The following CASQ2 variants were observed in gnomAD, a reference collection of about 807,000 sequenced individuals.
The protein encoded by CASQ2 is calsequestrin 2.
CASQ2 carries 49 observed loss-of-function variants against 46.5 expected under a neutral mutation model. The ratio of observed to expected loss-of-function variants is 1.05; its 90% CI spans 0.84 to 1.34. The LOEUF is 1.34. Ranked by LOEUF, CASQ2 falls within the 40% of genes most tolerant of loss-of-function variation. The pLI, the probability that CASQ2 is intolerant of heterozygous loss-of-function variation, is 0.00. For missense variants in CASQ2, 486 were observed against 481.3 expected, an observed-to-expected ratio of 1.01 and a Z score of -0.09; for synonymous variants, 174 against 168.5, an observed-to-expected ratio of 1.03 and a Z score of -0.25.
intron 5 of CASQ2, 22 bp downstream of exon 5, chr1:115,732,879 T>C (rs144118950): frequency 6.4e-6 from 10 of 1,563,948 alleles, no homozygotes; most frequent in East Asian, 2.2e-5. Context: ...ACTGTTCAAA[T>C]TGGGGTTTCA....
intron 8 of CASQ2, among the ~76,000 whole-genome samples, chr1:115,712,273 G>A (rs1654573058): frequency 2.0e-5 from 3 of 152,128 alleles, no homozygotes; most frequent in South Asian, 2.1e-4. Flanking sequence ...GCTATGAGAC[G>A]GCACTTGAGA....
intron 1 of CASQ2, among the ~76,000 whole-genome samples, chr1:115,759,948 C>T (rs958564684): frequency 6.6e-6 from 1 of 152,204 alleles, no homozygotes; most frequent in African/African-American, 2.4e-5. Context: ...TCTTTAAAAG[C>T]CAGGCAATTC....
At chr1:115,747,422 T>G (rs1648425220) in intron 1 of CASQ2, among the ~76,000 whole-genome samples, 1 of 152,216 alleles carries the variant, frequency 6.6e-6, no homozygotes, top group South Asian at 2.1e-4. Context: ...TCTTTTCACT[T>G]TATTCTTTAT....
chr1:115,737,963 G>C (rs377225841), intron 4 of CASQ2, among the ~76,000 whole-genome samples: 143 of 152,340 alleles, frequency 9.4e-4, no homozygotes, highest in African/African-American at 3.4e-3. Context: ...GTGGAGAAGA[G>C]CTTTTCTCTT....
rs529707168 is a variant in CASQ2 at position 115,751,862 on chromosome 1, A to G, written c.235-6950T>C. Among the ~76,000 whole-genome samples the G allele has an allele frequency of 2.0e-5, 3 of 152,012 alleles. No individual in the cohort carries two copies. The South Asian group carries it at 6.3e-4, about 32-fold the overall frequency. ...CCTAACATGGCCAAGAATGTCCTGC[A>G]CTCTTTGTCCCACCTGTCTTTCCAG... On this transcript the variant is annotated intron_variant, in intron 1 of 10. Coordinates refer to ENST00000261448, the MANE Select transcript of CASQ2 (RefSeq NM_001232.4).
At chr1:115,705,932 T>G (rs1654345627) in intron 8 of CASQ2, among the ~76,000 whole-genome samples, 1 of 151,806 alleles carries the variant, frequency 6.6e-6, no homozygotes, top group African/African-American at 2.4e-5. Flanking sequence ...CTTTATAAGC[T>G]TCAAGAACAC....
At chr1:115,720,380 C>G (rs959710465) in intron 7 of CASQ2, among the ~76,000 whole-genome samples, 1 of 152,126 alleles carries the variant, frequency 6.6e-6, no homozygotes, top group African/African-American at 2.4e-5. Context: ...CATGAGAGTT[C>G]AGCCCTCAAG....
intron 8 of CASQ2, among the ~76,000 whole-genome samples, chr1:115,709,617 G>A (rs753499623): frequency 8.5e-5 from 13 of 152,078 alleles, no homozygotes; most frequent in African/African-American, 2.9e-4. Flanking sequence ...AGAGACCCCC[G>A]CAACCCAGAC....
At chr1:115,710,670 G>T (rs1251317935) in intron 8 of CASQ2, among the ~76,000 whole-genome samples, 2 of 152,132 alleles carry the variant, frequency 1.3e-5, no homozygotes, top group Admixed American at 1.3e-4. Context: ...CCTCCCAGCA[G>T]CTGTAGTATG....
intron 3 of CASQ2, among the ~76,000 whole-genome samples, chr1:115,739,896 G>C (rs953933711): frequency 6.6e-6 from 1 of 152,212 alleles, no homozygotes; most frequent in Non-Finnish European, 1.5e-5. Context: ...TGCTGTCCCA[G>C]AGTTGTTCTG....
intron 1 of CASQ2, among the ~76,000 whole-genome samples, chr1:115,755,154 T>C (rs181025415): frequency 6.6e-6 from 1 of 152,354 alleles, no homozygotes; most frequent in East Asian, 1.9e-4. Context: ...AGGGAAGCTG[T>C]CCCTGAAGGC....
At position 115,700,976 on chromosome 1, in the gene CASQ2, C is replaced by G. The variant is rs936149495; in HGVS notation, c.*265G>C. On this transcript the variant is annotated 3_prime_UTR_variant, in exon 11 of 11. Transcript: ENST00000261448. ...ACTGCCATGACCCTTGATGGTCCAG[C>G]AAAGAACAAGATCTGTTCCGTGACA... 1.6e-6 allele frequency: 1 copy of G among 618,794 alleles called. No homozygotes were observed. Among genetic ancestry groups the G allele is most frequent in the Non-Finnish European group, 2.9e-6 (1 of 348,042 alleles). 38.3% of individuals were successfully genotyped at this position (618,794 alleles called of 1,614,324 possible). A position where few individuals can be genotyped will look rare whatever the true frequency, so the allele number is the denominator to read the frequency against.
chr1:115,756,413 G>A (rs1648761216), intron 1 of CASQ2, among the ~76,000 whole-genome samples: 1 of 152,178 alleles, frequency 6.6e-6, no homozygotes, highest in Non-Finnish European at 1.5e-5. Context: ...GACTTTCTAG[G>A]AGGAACAAGT....
At chr1:115,709,227 A>T (rs1654465490) in intron 8 of CASQ2, among the ~76,000 whole-genome samples, 1 of 152,204 alleles carries the variant, frequency 6.6e-6, no homozygotes, top group Non-Finnish European at 1.5e-5. Context: ...TTCTTTGTAA[A>T]ACTGGCAAGT....
intron 4 of CASQ2, among the ~76,000 whole-genome samples, chr1:115,736,111 C>T (rs1343344171): frequency 6.8e-6 from 1 of 147,600 alleles, no homozygotes; most frequent in Non-Finnish European, 1.5e-5. Flanking sequence ...TGCAGTGAGC[C>T]GAGATTGCAC....
At chr1:115,765,262 T>C (rs936585879) in intron 1 of CASQ2, among the ~76,000 whole-genome samples, 1 of 152,140 alleles carries the variant, frequency 6.6e-6, no homozygotes, top group African/African-American at 2.4e-5. Flanking sequence ...CAACAAAAAT[T>C]AGGTGGCAGA....
intron 7 of CASQ2, among the ~76,000 whole-genome samples, chr1:115,724,201 G>T (rs1049036016): frequency 6.6e-6 from 1 of 152,232 alleles, no homozygotes; most frequent in Non-Finnish European, 1.5e-5. Context: ...TTATATTTAA[G>T]TTCCAAGAAC....
chr1:115,759,695 A>G (rs1648875799), intron 1 of CASQ2, among the ~76,000 whole-genome samples: 1 of 152,242 alleles, frequency 6.6e-6, no homozygotes, highest in South Asian at 2.1e-4. Flanking sequence ...TGTTCACTAG[A>G]CTTAGTTTTA....
At chr1:115,725,576 A>G (rs1474915497) in intron 6 of CASQ2, 23 bp from the exon 7 acceptor site, 5 of 1,600,520 alleles carry the variant, frequency 3.1e-6, no homozygotes, top group South Asian at 1.1e-5. Context: ...AAAAAAAAAA[A>G]AAAAGAAAGA....
Sources: gnomAD v4.1 joint callset for allele counts (sites outside exome capture counted in the v4.1 genomes callset) on GRCh38, gnomAD v4.1.1 for gene constraint, MANE v1.5 for transcripts, NCBI Gene and HGNC (gene_info 2026-07-23, HGNC 2026-07-21) for gene names.